The following GABPB1 variants were observed in gnomAD, a reference collection of about 807,000 sequenced individuals.
GABPB1 encodes GA-binding protein subunit beta-1.
GABPB1 carries 15 observed loss-of-function variants against 45.9 expected under a neutral mutation model. The observed-to-expected ratio is 0.33, with a 90% CI of 0.22 to 0.50. The LOEUF (loss-of-function observed/expected upper bound fraction) is 0.50. Ranked by LOEUF, GABPB1 falls within the 20% of genes least tolerant of loss-of-function variation. The pLI is 0.98. For synonymous variants in GABPB1, 143 were observed against 154.4 expected (o/e 0.93, Z 0.55); for missense variants, 252 against 457.5 (o/e 0.55, Z 4.10).
rs1215550952 is a variant in GABPB1, at chr15:50,275,761, A to G, written c.*2871T>C. 1.3e-5 allele frequency: 2 copies of G among 152,370 alleles called. No homozygotes were observed. The highest frequency in any genetic ancestry group is 3.9e-4 in the East Asian group (2 of 5,190). The allele number at this position is 152,370 out of a possible 1,614,324, so 9.4% of individuals were successfully genotyped here. A position where few individuals can be genotyped will look rare whatever the true frequency, so the allele number is the denominator to read the frequency against. ...AAAGCCAACGAAAACAAATGACATC[A>G]CAAGTCCTTTTGTGAAGTAATTAAG... On this transcript the variant is annotated 3_prime_UTR_variant, in exon 9 of 9. Transcript: ENST00000380877.
intron 1 of GABPB1, among the ~76,000 whole-genome samples, chr15:50,343,041 A>G (rs902181712): frequency 1.3e-5 from 2 of 152,072 alleles, no homozygotes; most frequent in Admixed American, 6.5e-5. Flanking sequence ...CTGGGACTAC[A>G]GGCGCCCACC....
At chr15:50,317,421 G>GAAAAA (rs71424053) in intron 1 of GABPB1, among the ~76,000 whole-genome samples, 4 of 136,206 alleles carry the variant, frequency 2.9e-5, no homozygotes, top group Non-Finnish European at 6.2e-5. Context: ...AAAAAAGAAA[G>GAAAAA]AAAAAAAAAA....
intron 1 of GABPB1, among the ~76,000 whole-genome samples, chr15:50,343,025 G>A (rs553782138): frequency 7.2e-5 from 11 of 152,092 alleles, no homozygotes; most frequent in Non-Finnish European, 7.4e-5. Context: ...TCAGCGTCCC[G>A]AGTAGCTGGG....
intron 7 of GABPB1, among the ~76,000 whole-genome samples, chr15:50,288,689 T>G (rs1030185144): frequency 1.3e-5 from 2 of 152,212 alleles, no homozygotes; most frequent in African/African-American, 4.8e-5. Context: ...GCCTTTTAGT[T>G]TCACTGAAAA....
chr15:50,300,678 C>A (rs2046708483), intron 6 of GABPB1, 111 bp downstream of exon 6: 2 of 666,380 alleles, frequency 3.0e-6, no homozygotes, highest in Admixed American at 4.5e-5. Context: ...CTCCTGAGCT[C>A]AGGCAATCCA....
intron 1 of GABPB1, 153 bp downstream of exon 1, chr15:50,354,832 G>A (rs907444462): frequency 8.7e-6 from 2 of 231,062 alleles, no homozygotes; most frequent in Non-Finnish European, 1.7e-5. Context: ...AATAAGCGGG[G>A]CCAGGAGCCC....
chr15:50,303,796 C>T (rs751678690), intron 3 of GABPB1, among the ~76,000 whole-genome samples, 170 bp downstream of exon 3: 1 of 152,080 alleles, frequency 6.6e-6, no homozygotes, highest in African/African-American at 2.4e-5. Flanking sequence ...AGTTTTGTCC[C>T]TCATGAAATG....
At position 50,278,802 on chromosome 15, in the gene GABPB1, G is replaced by GTT. The variant is rs11372405; in HGVS notation, c.1000-20_1000-19dup. Reference sequence around the variant, plus strand: ...TCTCTCTCCTAATTAAAAGAAGAGGGTTTTTTTTTTAATTTTTGCAAAAAT... The same window carrying GTT: ...TCTCTCTCCTAATTAAAAGAAGAGGGTTTTTTTTTTTTAATTTTTGCAAAAAT... On this transcript the variant is annotated intron_variant, in intron 8 of 8. Coordinates refer to ENST00000380877, the MANE Select transcript of GABPB1 (RefSeq NM_016654.5). The GTT allele has an allele frequency of 0.019, 24,267 of 1,290,882 alleles. 1 individual carries two copies. The highest frequency in any genetic ancestry group is 0.02 in the Middle Eastern group (90 of 4,510). 80.0% of individuals were successfully genotyped at this position (1,290,882 alleles called of 1,614,324 possible).
At chr15:50,315,584 A>G (rs907772533) in intron 1 of GABPB1, among the ~76,000 whole-genome samples, 1 of 152,242 alleles carries the variant, frequency 6.6e-6, no homozygotes, top group Non-Finnish European at 1.5e-5. Flanking sequence ...TTTTCTTGTC[A>G]AGATAATTAG....
chr15:50,305,375 G>A (rs1358282373), intron 2 of GABPB1, among the ~76,000 whole-genome samples: 1 of 152,052 alleles, frequency 6.6e-6, no homozygotes, highest in Non-Finnish European at 1.5e-5. Flanking sequence ...GGGCCTCACT[G>A]TGTTGCCCAG....
intron 1 of GABPB1, among the ~76,000 whole-genome samples, chr15:50,318,963 A>C (rs1382519836): frequency 2.0e-5 from 3 of 152,200 alleles, no homozygotes; most frequent in African/African-American, 7.2e-5. Context: ...CCTGGGGTGT[A>C]ATGTAAAGCA....
chr15:50,346,209 T>C (rs546638520), intron 1 of GABPB1, among the ~76,000 whole-genome samples: 16 of 152,280 alleles, frequency 1.1e-4, no homozygotes, highest in African/African-American at 3.8e-4. Flanking sequence ...CTTTTTCACT[T>C]ATATAGAAGT....
At chr15:50,333,555 G>C (rs1438115116) in intron 1 of GABPB1, among the ~76,000 whole-genome samples, 1 of 152,102 alleles carries the variant, frequency 6.6e-6, no homozygotes, top group African/African-American at 2.4e-5. Context: ...GAACACTGCT[G>C]CTTTAAATGA....
intron 1 of GABPB1, among the ~76,000 whole-genome samples, chr15:50,339,471 C>G (rs1431732461): frequency 1.3e-5 from 2 of 151,716 alleles, no homozygotes; most frequent in Admixed American, 6.6e-5. Context: ...TGCACTCCAG[C>G]CTGGGCAACA....
At chr15:50,308,295 A>C (rs1321263280) in intron 2 of GABPB1, among the ~76,000 whole-genome samples, 2 of 152,192 alleles carry the variant, frequency 1.3e-5, no homozygotes, top group Non-Finnish European at 2.9e-5. Flanking sequence ...AGATCACTTC[A>C]AATTCATTTC....
rs529357301 is a variant in GABPB1 at position 50,289,690 on chromosome 15, C to A, written c.698-22G>T. 2.3e-5 allele frequency: 36 copies of A among 1,556,078 alleles called. 1 individual carries two copies. In the Admixed American group the frequency reaches 6.9e-4, roughly 30 times the overall value. On this transcript the variant is annotated intron_variant, in intron 6 of 8. Coordinates refer to ENST00000380877, the MANE Select transcript of GABPB1 (RefSeq NM_016654.5). ...ACTACTGGAAAAAAAAAAAAGAAAACTCAGCAAACATATGTAACGGTATGA... is the reference window on the plus strand; with the variant it reads ...ACTACTGGAAAAAAAAAAAAGAAAAATCAGCAAACATATGTAACGGTATGA...
chr15:50,337,741 T>C (rs971960914), intron 1 of GABPB1, among the ~76,000 whole-genome samples: 11 of 152,086 alleles, frequency 7.2e-5, no homozygotes, highest in Non-Finnish European at 1.5e-5. Context: ...CACTCCAGCC[T>C]GGGTGTCAGA....
At chr15:50,323,398 C>T (rs2047642740) in intron 1 of GABPB1, among the ~76,000 whole-genome samples, 1 of 152,154 alleles carries the variant, frequency 6.6e-6, no homozygotes, top group Non-Finnish European at 1.5e-5. Context: ...CAGAAGACAA[C>T]ATACATGCCC....
intron 6 of GABPB1, among the ~76,000 whole-genome samples, chr15:50,293,889 C>T (rs1462966967): frequency 6.6e-6 from 1 of 152,054 alleles, no homozygotes; most frequent in African/African-American, 2.4e-5. Context: ...GCCTTAAGAA[C>T]AATCTAACAG....
Sources: gnomAD v4.1 joint callset for allele counts (sites outside exome capture counted in the v4.1 genomes callset) on GRCh38, gnomAD v4.1.1 for gene constraint, MANE v1.5 for transcripts, NCBI Gene and HGNC (gene_info 2026-07-23, HGNC 2026-07-21) for gene names.